The following FAM184B variants were observed in gnomAD, a reference collection of about 807,000 sequenced individuals.
FAM184B encodes the protein family with sequence similarity 184 member B, also known as protein FAM184B.
In FAM184B, 111 loss-of-function variants were observed where a neutral mutation model predicts 135.9. The ratio of observed to expected loss-of-function variants is 0.82; its 90% CI spans 0.70 to 0.96. The LOEUF (loss-of-function observed/expected upper bound fraction) is 0.96, where lower values mean the gene tolerates loss of function less well. Among genes scored for constraint, FAM184B ranks in the 40% least tolerant of loss-of-function variants. FAM184B has a pLI of 0.00. For missense variants in FAM184B, 1,375 were observed against 1,323.9 expected (o/e 1.04, Z -0.60); for synonymous variants, 552 against 524.8 (o/e 1.05, Z -0.71).
chr4:17,758,061 A>C (rs972779800), intron 1 of FAM184B, among the ~76,000 whole-genome samples: 1 of 152,174 alleles, frequency 6.6e-6, no homozygotes, highest in Non-Finnish European at 1.5e-5. Context: ...CTAATACTAT[A>C]TTCTCACCAA....
chr4:17,709,022 C>CA lies in FAM184B; in HGVS notation c.763_764insT (p.Arg255LeufsTer31). 8.4e-6 allele frequency: 13 copies of CA among 1,550,258 alleles called. No homozygotes were observed. Among genetic ancestry groups the CA allele is most frequent in the Non-Finnish European group, 1.1e-5 (13 of 1,146,936 alleles). ...TGACTCCTGGACCTGGAAGTTCTTG[C>CA]GGAGGTCCGACTCCTTCTCCTGCCA... On this transcript the variant is annotated frameshift_variant, in exon 2 of 18. Transcript: ENST00000265018. LOFTEE classifies it high-confidence loss of function.
intron 9 of FAM184B, among the ~76,000 whole-genome samples, chr4:17,659,622 G>C (rs1410923206): frequency 6.6e-6 from 1 of 152,140 alleles, no homozygotes; most frequent in Non-Finnish European, 1.5e-5. Context: ...GAGTAGCTGG[G>C]ATTACAGGCG....
chr4:17,739,555 G>GTTTTGTTTTTTTTTTTTTTT (rs1553841420), intron 1 of FAM184B, among the ~76,000 whole-genome samples: 2 of 62,508 alleles, frequency 3.2e-5, no homozygotes, highest in African/African-American at 1.2e-4. Flanking sequence ...CATACCAACT[G>GTTTTGTTTTTTTTTTTTTTT]TTTTTTTTTT....
chr4:17,639,481 G>T, intron 13 of FAM184B, 85 bp from the exon 14 acceptor site: 1 of 1,464,050 alleles, frequency 6.8e-7, no homozygotes, highest in East Asian at 2.5e-5. Flanking sequence ...CCTCATCGCT[G>T]CCCAGTTTGG....
intron 5 of FAM184B, 106 bp downstream of exon 5, chr4:17,704,894 G>A (rs1156941603): frequency 5.4e-6 from 5 of 933,810 alleles, no homozygotes; most frequent in Admixed American, 2.5e-5. Context: ...TACAGAGCAG[G>A]AGCTCAGTAA....
chr4:17,706,787 ATTTAAT>A (rs1717129226), intron 3 of FAM184B, among the ~76,000 whole-genome samples: 1 of 151,204 alleles, frequency 6.6e-6, no homozygotes, highest in Admixed American at 6.6e-5. Context: ...TTTGTATTTA[ATTTAAT>A]TTTTTTTTTG....
intron 1 of FAM184B, among the ~76,000 whole-genome samples, chr4:17,732,944 A>C (rs986624500): frequency 1.3e-5 from 2 of 152,248 alleles, no homozygotes; most frequent in African/African-American, 2.4e-5. Flanking sequence ...TCAATAAAAT[A>C]CTGGCAAACC....
At position 17,738,181 on chromosome 4, in the gene FAM184B, G is replaced by A. The variant is rs1257713454; in HGVS notation, c.142-28537C>T. On this transcript the variant is annotated intron_variant, in intron 1 of 17. Coordinates refer to ENST00000265018, the MANE Select transcript of FAM184B (RefSeq NM_015688.2). ...AGCCAAGCCAAGCAGTCCTTCTTGGGAATTTATTCATTGGGATGGGAGAGA... is the reference window on the plus strand; with the variant it reads ...AGCCAAGCCAAGCAGTCCTTCTTGGAAATTTATTCATTGGGATGGGAGAGA... Among the ~76,000 whole-genome samples, 14 of 152,210 alleles carry A rather than the reference G, an allele frequency of 9.2e-5. No homozygotes were observed. The East Asian group carries it at 2.7e-3, about 29-fold the overall frequency.
chr4:17,728,172 G>A lies in FAM184B; in HGVS notation c.142-18528C>T, dbSNP rs148909498. Among the ~76,000 whole-genome samples the A allele has an allele frequency of 2.0e-4, 30 of 152,194 alleles. No homozygotes were observed. The East Asian group carries it at 3.9e-3, about 20-fold the overall frequency. ...TCATAATGACGATGACAATCACGAC[G>A]AAGGTAGTGATGATGAGGATGAAGA... On this transcript the variant is annotated intron_variant, in intron 1 of 17. Coordinates refer to ENST00000265018, the MANE Select transcript of FAM184B (RefSeq NM_015688.2).
chr4:17,765,910 T>C (rs1295739944), intron 1 of FAM184B, among the ~76,000 whole-genome samples: 3 of 152,158 alleles, frequency 2.0e-5, no homozygotes, highest in South Asian at 2.1e-4. Context: ...TTCGCGGTGG[T>C]GAGTGTTACA....
chr4:17,705,202 T>C lies in FAM184B; in HGVS notation c.1175A>G (p.Lys392Arg), dbSNP rs1473199205. Residue 392 changes from lysine to arginine, a missense_variant, in exon 5 of 18, where the codon AAG (lysine) becomes AGG (arginine). Coordinates refer to ENST00000265018, the MANE Select transcript of FAM184B (RefSeq NM_015688.2). ...TTCTGTCTCAGCACTTGCCTCTTTC[T>C]TGGTCTATAAAAAGAAAAAGGACCT... is the stretch of plus-strand genomic sequence containing the variant. ...CMKGGTDMQTKKEASAETEYM... is the reference protein window; with the variant it reads ...CMKGGTDMQTRKEASAETEYM... 5.2e-6 allele frequency: 8 copies of C among 1,551,240 alleles called. No homozygotes were observed. The highest frequency in any genetic ancestry group is 3.3e-4 in the Middle Eastern group (2 of 5,994).
At chr4:17,716,377 C>CTA (rs1717401760) in intron 1 of FAM184B, among the ~76,000 whole-genome samples, 1 of 152,142 alleles carries the variant, frequency 6.6e-6, no homozygotes, top group Admixed American at 6.5e-5. Flanking sequence ...GACAGGGTCT[C>CTA]TATGTCCCAG....
rs1334189176 is a variant in FAM184B, at chr4:17,631,059, G to C, written c.*1473C>G. ...CTTGTCAAATCACATTGCTCTGTCA[G>C]AAGGTAAGACAAATCAGTGTGGACT... On this transcript the variant is annotated 3_prime_UTR_variant, in exon 18 of 18. Coordinates refer to ENST00000265018, the MANE Select transcript of FAM184B (RefSeq NM_015688.2). The C allele has an allele frequency of 1.3e-5, 2 of 152,212 alleles. No homozygotes were observed. The highest frequency in any genetic ancestry group is 4.8e-5 in the African/African-American group (2 of 41,450). 9.4% of individuals were successfully genotyped at this position (152,212 alleles called of 1,614,324 possible).
At chr4:17,688,881 C>T (rs769647151) in intron 6 of FAM184B, among the ~76,000 whole-genome samples, 9 of 151,712 alleles carry the variant, frequency 5.9e-5, no homozygotes, top group Admixed American at 1.3e-4. Flanking sequence ...TTAGTAGAAA[C>T]GGGGTTTCAC....
intron 1 of FAM184B, among the ~76,000 whole-genome samples, chr4:17,729,517 C>A (rs1243723454): frequency 6.6e-6 from 1 of 152,194 alleles, no homozygotes; most frequent in African/African-American, 2.4e-5. Context: ...CAGAATGACA[C>A]CTCACACGGC....
intron 7 of FAM184B, among the ~76,000 whole-genome samples, chr4:17,666,679 T>C (rs575423323): frequency 6.6e-6 from 1 of 151,830 alleles, no homozygotes; most frequent in East Asian, 1.9e-4. Flanking sequence ...CCCCTCACTC[T>C]CTTTTCCTCA....
At chr4:17,741,927 C>T (rs1718044402) in intron 1 of FAM184B, among the ~76,000 whole-genome samples, 1 of 152,020 alleles carries the variant, frequency 6.6e-6, no homozygotes, top group Non-Finnish European at 1.5e-5. Flanking sequence ...AATAGGTTTA[C>T]TATCAATAGA....
intron 8 of FAM184B, among the ~76,000 whole-genome samples, chr4:17,664,336 T>G (rs1479098752): frequency 6.6e-6 from 1 of 152,206 alleles, no homozygotes; most frequent in African/African-American, 2.4e-5. Flanking sequence ...TCCAGGTTCT[T>G]AAGCTAAAAA....
chr4:17,746,287 T>C (rs983724150), intron 1 of FAM184B, among the ~76,000 whole-genome samples: 2 of 152,024 alleles, frequency 1.3e-5, no homozygotes, highest in Non-Finnish European at 2.9e-5. Context: ...GTTGGTGATA[T>C]CTTATCAGGC....
Sources: allele counts gnomAD v4.1 joint callset (sites outside exome capture counted in the v4.1 genomes callset), GRCh38; gene constraint gnomAD v4.1.1; transcripts MANE v1.5; gene names NCBI Gene and HGNC (gene_info 2026-07-23, HGNC 2026-07-21).